ADGRA3: variants seen among roughly 807,000 people sequenced by gnomAD.
The protein encoded by ADGRA3 is adhesion G protein-coupled receptor A3.
Under a neutral mutation model 119.8 loss-of-function variants are expected in ADGRA3, and 56 were observed. That is an observed-to-expected ratio of 0.47 (90% confidence interval 0.38 to 0.58). ADGRA3 has a LOEUF of 0.58. Ranked by LOEUF, ADGRA3 falls within the 20% of genes least tolerant of loss-of-function variation. ADGRA3 has a pLI of 0.00. For synonymous variants in ADGRA3, 607 were observed against 623.8 expected, an observed-to-expected ratio of 0.97 and a Z score of 0.40; for missense variants, 1,516 against 1,649.0, an observed-to-expected ratio of 0.92 and a Z score of 1.40.
chr4:22,487,765 A>G (rs1718482035), intron 1 of ADGRA3, among the ~76,000 whole-genome samples: 1 of 152,198 alleles, frequency 6.6e-6, no homozygotes, highest in South Asian at 2.1e-4. Context: ...AAATAAAACC[A>G]TTCTAAATTG....
intron 1 of ADGRA3, among the ~76,000 whole-genome samples, chr4:22,512,121 G>C (rs1024304280): frequency 1.3e-5 from 2 of 151,690 alleles, no homozygotes; most frequent in African/African-American, 2.4e-5. Context: ...GGCTGGTCTC[G>C]AACTCCCGGT....
intron 1 of ADGRA3, among the ~76,000 whole-genome samples, chr4:22,485,887 T>G (rs1359867020): frequency 2.6e-5 from 4 of 152,236 alleles, no homozygotes; most frequent in African/African-American, 9.6e-5. Context: ...AGAGCCAGAC[T>G]GAGAGCAGAA....
chr4:22,513,845 C>CAAAAAA lies in ADGRA3; in HGVS notation c.257+1677_257+1682dup, dbSNP rs59015584. ...TATTTTCATCTAAAAAGCTTTCAGG[C>CAAAAAA]AAAAAAAAAAAAAAAAAAAAAAAAA... On this transcript the variant is annotated intron_variant, in intron 1 of 18. Transcript: ENST00000334304. 9.6e-3 allele frequency among the ~76,000 whole-genome samples: 302 copies of CAAAAAA among 31,454 alleles called. 22 individuals are homozygous for CAAAAAA. Among genetic ancestry groups the CAAAAAA allele is most frequent in the African/African-American group, 0.029 (290 of 10,126 alleles). The allele number at this position is 31,454 out of a possible 152,430, so 20.6% of individuals were successfully genotyped here. A position where few individuals can be genotyped will look rare whatever the true frequency, so the allele number is the denominator to read the frequency against.
intron 1 of ADGRA3, among the ~76,000 whole-genome samples, chr4:22,488,351 A>G (rs1718506841): frequency 8.2e-6 from 1 of 121,558 alleles, no homozygotes; most frequent in South Asian, 2.8e-4. Context: ...TAATTTATGA[A>G]GCTTTAAAAA....
At chr4:22,512,034 G>C (rs751046785) in intron 1 of ADGRA3, among the ~76,000 whole-genome samples, 3 of 146,834 alleles carry the variant, frequency 2.0e-5, no homozygotes, top group African/African-American at 5.1e-5. Context: ...CCTAGTAGCT[G>C]GGATTACAGG....
At chr4:22,513,687 T>C (rs1173342455) in intron 1 of ADGRA3, among the ~76,000 whole-genome samples, 2 of 151,252 alleles carry the variant, frequency 1.3e-5, no homozygotes, top group Non-Finnish European at 2.9e-5. Context: ...AATTTTTGTA[T>C]TTTTAGTAGA....
intron 1 of ADGRA3, among the ~76,000 whole-genome samples, chr4:22,512,672 C>T (rs1002032451): frequency 6.6e-6 from 1 of 152,146 alleles, no homozygotes; most frequent in Non-Finnish European, 1.5e-5. Flanking sequence ...TTAAGTGATG[C>T]TGCCCCAAGC....
At chr4:22,462,173 A>T (rs1305169727) in intron 2 of ADGRA3, among the ~76,000 whole-genome samples, 1 of 152,202 alleles carries the variant, frequency 6.6e-6, no homozygotes, top group Admixed American at 6.5e-5. Flanking sequence ...ATCTAATTAC[A>T]ATTGTGACAA....
intron 12 of ADGRA3, 112 bp from the exon 13 acceptor site, chr4:22,413,926 A>T (rs1715327843): frequency 3.0e-6 from 2 of 660,160 alleles, no homozygotes; most frequent in Admixed American, 3.4e-5. Flanking sequence ...TTCATTTTTT[A>T]AATTGGATAT....
chr4:22,425,568 G>A (rs945090057), intron 10 of ADGRA3, among the ~76,000 whole-genome samples: 1 of 152,158 alleles, frequency 6.6e-6, no homozygotes, highest in Admixed American at 6.5e-5. Flanking sequence ...AAACATTCCA[G>A]AGGTAGGATC....
chr4:22,488,847 G>C (rs1718528680), intron 1 of ADGRA3, among the ~76,000 whole-genome samples: 1 of 152,040 alleles, frequency 6.6e-6, no homozygotes, highest in Non-Finnish European at 1.5e-5. Flanking sequence ...GTATATGCAA[G>C]TAATACAAGT....
At chr4:22,488,356 TAAAAAAA>T (rs5856699) in intron 1 of ADGRA3, among the ~76,000 whole-genome samples, 1 of 146,308 alleles carries the variant, frequency 6.8e-6, no homozygotes, top group Non-Finnish European at 1.5e-5. Context: ...TATGAAGCTT[TAAAAAAA>T]AAAAAAAGTC....
intron 2 of ADGRA3, among the ~76,000 whole-genome samples, chr4:22,467,173 C>T (rs1717690006): frequency 6.6e-6 from 1 of 152,156 alleles, no homozygotes; most frequent in Non-Finnish European, 1.5e-5. Context: ...TTAATAATTA[C>T]TGAATTGTTG....
chr4:22,503,004 G>C (rs1355361304), intron 1 of ADGRA3, among the ~76,000 whole-genome samples: 1 of 151,596 alleles, frequency 6.6e-6, no homozygotes, highest in Admixed American at 6.6e-5. Flanking sequence ...TGGCCATCAA[G>C]AGTCTACAAT....
chr4:22,512,814 C>A (rs1719493835), intron 1 of ADGRA3, among the ~76,000 whole-genome samples: 1 of 152,158 alleles, frequency 6.6e-6, no homozygotes. Flanking sequence ...TTTGTTGTTT[C>A]AAGCCACCAA....
At chr4:22,510,151 G>A (rs965836431) in intron 1 of ADGRA3, among the ~76,000 whole-genome samples, 6 of 152,026 alleles carry the variant, frequency 3.9e-5, no homozygotes, top group Admixed American at 1.3e-4. Context: ...TTGCTATCTG[G>A]TGCACTGACT....
At chr4:22,424,129 C>G (rs1715829539) in intron 11 of ADGRA3, 62 bp downstream of exon 11, 1 of 1,412,650 alleles carries the variant, frequency 7.1e-7, no homozygotes, top group Non-Finnish European at 9.5e-7. Flanking sequence ...CTATCTCTTT[C>G]GGGTGAGAGC....
At chr4:22,494,846 T>A (rs530599274) in intron 1 of ADGRA3, among the ~76,000 whole-genome samples, 1 of 152,032 alleles carries the variant, frequency 6.6e-6, no homozygotes, top group South Asian at 2.1e-4. Context: ...AGAACCAACT[T>A]ATTTCAGTAG....
chr4:22,480,416 G>A (rs80131296), intron 1 of ADGRA3, among the ~76,000 whole-genome samples: 12,580 of 152,082 alleles, frequency 0.083, 580 homozygotes, highest in Non-Finnish European at 0.092. Context: ...CTTAACTCCC[G>A]TAGTCCCAGC....
Sources: gnomAD v4.1 joint callset for allele counts (sites outside exome capture counted in the v4.1 genomes callset) on GRCh38, gnomAD v4.1.1 for gene constraint, MANE v1.5 for transcripts, NCBI Gene and HGNC (gene_info 2026-07-23, HGNC 2026-07-21) for gene names.